Variants in DMBT1 observed in about 807,000 individuals in gnomAD.
The protein encoded by DMBT1 is deleted in malignant brain tumors 1.
A neutral mutation model predicts 252.9 loss-of-function variants in DMBT1; 198 were observed. The observed-to-expected ratio is 0.78, with a 90% CI of 0.70 to 0.88. The LOEUF is 0.88. DMBT1 is among the 40% of genes least tolerant of loss of function. The pLI is 0.00. For missense variants in DMBT1, 2,432 were observed against 2,404.7 expected, an observed-to-expected ratio of 1.01 and a Z score of -0.24; for synonymous variants, 990 against 942.7, an observed-to-expected ratio of 1.05 and a Z score of -0.92.
In DMBT1 at chr10:122,643,586, C is replaced by G; in HGVS notation, c.*188C>G. 1.2e-6 allele frequency: 1 copy of G among 830,868 alleles called. No individual in the cohort carries two copies. Among genetic ancestry groups the G allele is most frequent in the East Asian group, 2.7e-5 (1 of 37,080 alleles). 51.5% of individuals were successfully genotyped at this position (830,868 alleles called of 1,614,324 possible). ...CTCATGGTCCTTGGAGGACCCGTTG[C>G]AGGGTGAGGTCAAGAGAGTTCTGAC... On this transcript the variant is annotated 3_prime_UTR_variant, in exon 56 of 56. Coordinates refer to ENST00000338354, the MANE Select transcript of DMBT1 (RefSeq NM_001377530.1).
In DMBT1 at chr10:122,591,674, C is replaced by T. The variant is rs560488817; in HGVS notation, c.2176+157C>T. 1.1e-4 allele frequency among the ~76,000 whole-genome samples: 17 copies of T among 148,442 alleles called. 2 individuals carry two copies. The South Asian group carries it at 1.8e-3, about 16-fold the overall frequency. On this transcript the variant is annotated intron_variant, in intron 19 of 55. Coordinates refer to ENST00000338354, the MANE Select transcript of DMBT1 (RefSeq NM_001377530.1). ...AGTTGAGTCTCTGGGGAACCAGTCCCGGGTCGGGTGTTAGAGGGTGGAGGG... is the reference window on the plus strand; with the variant it reads ...AGTTGAGTCTCTGGGGAACCAGTCCTGGGTCGGGTGTTAGAGGGTGGAGGG...
At position 122,621,334 on chromosome 10, in the gene DMBT1, C is replaced by T. The variant is rs2098066297; in HGVS notation, c.5562C>T (p.Leu1854=). 1.9e-6 allele frequency: 3 copies of T among 1,613,870 alleles called. No individual in the cohort carries two copies. Among genetic ancestry groups the T allele is most frequent in the East Asian group, 2.2e-5 (1 of 44,878 alleles). The change falls in exon 44 of 56, where the codon CTC becomes CTT. Residue 1854 remains leucine, a synonymous_variant. Coordinates refer to ENST00000338354, the MANE Select transcript of DMBT1 (RefSeq NM_001377530.1). Reference sequence around the variant, plus strand: ...GGAGCTGCCCCCACAAAGGCTGGCTCACCCACAACTGTGGCCATCACGAAG... The same window carrying T: ...GGAGCTGCCCCCACAAAGGCTGGCTTACCCACAACTGTGGCCATCACGAAG... ...YLWSCPHKGW[L]THNCGHHEDA...
chr10:122,594,216 T>C (rs1373090213), intron 21 of DMBT1, among the ~76,000 whole-genome samples: 1 of 140,002 alleles, frequency 7.1e-6, no homozygotes. Flanking sequence ...AGTCAGTCCA[T>C]GCATCAGCAG....
chr10:122,635,987 G>C lies in DMBT1; in HGVS notation c.6549-4G>C. 1 of 1,613,852 alleles carries C rather than the reference G, an allele frequency of 6.2e-7. No homozygotes were observed. The highest frequency in any genetic ancestry group is 8.5e-7 in the Non-Finnish European group (1 of 1,179,886). On this transcript the variant is annotated splice_polypyrimidine_tract_variant and splice_region_variant and intron_variant, in intron 52 of 55. Transcript: ENST00000338354. ...AAGCCAAATGGTGTGTCCTCTCTCT[G>C]CAGGCTTGAAGGTGGCTGCAACTAT...
rs1381195793 is a variant in DMBT1 at position 122,643,535 on chromosome 10, A to C, written c.*137A>C. The C allele has an allele frequency of 3.9e-6, 5 of 1,273,078 alleles. No individual in the cohort carries two copies. The East Asian group carries it at 1.0e-4, about 26-fold the overall frequency. 78.9% of individuals were successfully genotyped at this position (1,273,078 alleles called of 1,614,324 possible). The stretch of plus-strand genomic sequence containing the variant: ...GCACCTGGTCATACGGAGTTGAATC[A>C]GACCTGGTTCCCGCCTCCCCCAAGG... On this transcript the variant is annotated 3_prime_UTR_variant, in exon 56 of 56. Transcript: ENST00000338354.
rs1290986817 is a variant in DMBT1 at position 122,587,654 on chromosome 10, AC to A, written c.1783+1276del. On this transcript the variant is annotated intron_variant, in intron 16 of 55. Transcript: ENST00000338354. ...TGGGCAGACACAAAGTCCTTCAAAC[AC>A]CCCCAGATGCAGCAGGGCCCCATCT... Among the ~76,000 whole-genome samples the A allele has an allele frequency of 2.0e-5, 3 of 147,998 alleles. No homozygotes were observed. In the East Asian group the frequency reaches 6.2e-4, roughly 31 times the overall value.
chr10:122,597,984 G>A lies in DMBT1; in HGVS notation c.2928G>A (p.Pro976=), dbSNP rs371766750. Residue 976 remains proline (P), a synonymous_variant, in exon 25 of 56, where the codon CCG becomes CCA. Coordinates refer to ENST00000338354, the MANE Select transcript of DMBT1 (RefSeq NM_001377530.1). ...CTGTTGCAATTACAGACACATTGCC[G>A]ACCATCACCTTGCCTGCATCGACAG... The part of the protein sequence containing the change: ...SWSTPSPDTL[P]TITLPASTVG... 3.5e-5 allele frequency: 57 copies of A among 1,613,696 alleles called. 1 individual carries two copies. In the South Asian group the frequency reaches 4.5e-4, roughly 13 times the overall value.
chr10:122,586,413 C>T lies in DMBT1; in HGVS notation c.1783+30C>T, dbSNP rs1332416937. ...GCCTCCAAGACTTTTGGTTTCCTCT[C>T]TTGGGGTAGATTTTGCTCAGGAAGG... is the stretch of plus-strand genomic sequence containing the variant. On this transcript the variant is annotated intron_variant, in intron 16 of 55. Coordinates refer to ENST00000338354, the MANE Select transcript of DMBT1 (RefSeq NM_001377530.1). 3.2e-6 allele frequency: 5 copies of T among 1,585,930 alleles called. 1 individual carries two copies. In the Admixed American group the frequency reaches 5.1e-5, roughly 16 times the overall value.
At chr10:122,577,712 C>T in intron 7 of DMBT1, 99 bp from the exon 8 acceptor site, 1 of 1,377,786 alleles carries the variant, frequency 7.3e-7, no homozygotes, top group Admixed American at 1.8e-5. Context: ...GTGTGATGGG[C>T]ATCAGCTCAG....
Position 122,576,724 on chromosome 10 carries a change from T to C in DMBT1, c.607+2T>C. On this transcript the variant is annotated splice_donor_variant, in intron 7 of 55. Coordinates refer to ENST00000338354, the MANE Select transcript of DMBT1 (RefSeq NM_001377530.1). LOFTEE classifies it high-confidence loss of function. ...AAGATGCTGGTGTTATCTGCTCAGG[T>C]AGGCATCCAGATCTCTGGAGGGTTG... The C allele has an allele frequency of 6.2e-7, 1 of 1,613,810 alleles. No individual in the cohort carries two copies. Among genetic ancestry groups the C allele is most frequent in the African/African-American group, 1.3e-5 (1 of 75,052 alleles).
chr10:122,620,963 T>G, intron 43 of DMBT1, 94 bp from the exon 44 acceptor site: 1 of 1,577,416 alleles, frequency 6.3e-7, no homozygotes. Flanking sequence ...CACACGTGAC[T>G]TTGGCCATTA....
chr10:122,600,914 C>A (rs1037635821), intron 27 of DMBT1, 77 bp from the exon 28 acceptor site: 4 of 663,086 alleles, frequency 6.0e-6, no homozygotes, highest in Non-Finnish European at 1.1e-5. Flanking sequence ...GGTGGATTCC[C>A]CCTCCCAGAG....
chr10:122,577,968 T>A, intron 8 of DMBT1, 128 bp downstream of exon 8: 1 of 997,446 alleles, frequency 1.0e-6, no homozygotes, highest in Non-Finnish European at 1.5e-6. Flanking sequence ...CCCAACTCTG[T>A]AACTGAGACC....
chr10:122,572,431 A>G (rs2097673108), intron 5 of DMBT1, 70 bp downstream of exon 5: 1 of 1,587,144 alleles, frequency 6.3e-7, no homozygotes, highest in Non-Finnish European at 8.6e-7. Flanking sequence ...TCTCTGACCC[A>G]GATGAGGTGT....
At position 122,586,139 on chromosome 10, in the gene DMBT1, C is replaced by T; in HGVS notation, c.1539C>T (p.Gly513=). Residue 513 remains glycine, a synonymous_variant, in exon 16 of 56, where the codon GGC becomes GGT. Coordinates refer to ENST00000338354, the MANE Select transcript of DMBT1 (RefSeq NM_001377530.1). The part of the protein sequence containing the change: ...CQGRVEVLYR[G]SWGTVCDDSW... ...GCCGAGTGGAGGTCCTATACCGAGG[C>T]TCCTGGGGCACCGTGTGTGATGACA... is the stretch of plus-strand genomic sequence containing the variant. 6.3e-7 allele frequency: 1 copy of T among 1,589,124 alleles called. No homozygotes were observed.
intron 26 of DMBT1, 30 bp from the exon 27 acceptor site, chr10:122,600,034 T>C (rs1206762739): frequency 6.2e-7 from 1 of 1,608,078 alleles, no homozygotes. Context: ...GTAATGTTCC[T>C]GATCTGACCT....
At chr10:122,641,417 G>C (rs953105753) in intron 55 of DMBT1, among the ~76,000 whole-genome samples, 1 of 152,158 alleles carries the variant, frequency 6.6e-6, no homozygotes, top group Non-Finnish European at 1.5e-5. Context: ...GTTCTACTAG[G>C]AATTAGAGGT....
rs1316788146 is a variant in DMBT1, at chr10:122,592,485, T to A, written c.2390T>A (p.Leu797Gln). The change falls in exon 20 of 56, where the codon CTG (leucine) becomes CAG (glutamine). Residue 797 changes from leucine (L) to glutamine (Q), a missense_variant. Physicochemically the swap from Leu to Gln is moderately radical, Grantham distance 113. This residue lies in a region of DMBT1 where 1,264 missense variants were observed against 1,082.2 expected (regional missense o/e 1.17). Coordinates refer to ENST00000338354, the MANE Select transcript of DMBT1 (RefSeq NM_001377530.1). Reference sequence around the variant, plus strand: ...GGCCAGGGCTCAGGACCCATTGTTCTGGATGATGTGCGCTGCTCAGGACAC... The same window carrying A: ...GGCCAGGGCTCAGGACCCATTGTTCAGGATGATGTGCGCTGCTCAGGACAC... ...RFGQGSGPIV[L>Q]DDVRCSGHES... 2 of 1,588,146 alleles carry A rather than the reference T, an allele frequency of 1.3e-6. 1 individual carries two copies. The highest frequency in any genetic ancestry group is 2.3e-5 in the South Asian group (2 of 86,904).
chr10:122,598,150 C>T (rs207471526), intron 25 of DMBT1, 138 bp downstream of exon 25: 6 of 1,312,976 alleles, frequency 4.6e-6, no homozygotes, highest in East Asian at 2.4e-5. Flanking sequence ...AGGAAGGTAG[C>T]GTCTCTGGGG....
Sources: allele counts gnomAD v4.1 joint callset (sites outside exome capture counted in the v4.1 genomes callset), GRCh38; gene constraint gnomAD v4.1.1; regional missense constraint gnomAD v4.1.1; transcripts MANE v1.5; gene names NCBI Gene and HGNC (gene_info 2026-07-23, HGNC 2026-07-21).